The following DYNLT2 variants were observed in gnomAD, a reference collection of about 807,000 sequenced individuals.
The protein encoded by DYNLT2 is dynein light chain Tctex-type 2, also known as dynein light chain Tctex-type protein 2.
DYNLT2 carries 24 observed loss-of-function variants against 24.3 expected under a neutral mutation model. The ratio of observed to expected loss-of-function variants is 0.99; its 90% CI spans 0.71 to 1.39. DYNLT2 has a LOEUF of 1.39. DYNLT2 is among the 40% of genes most tolerant of loss of function. The pLI, the probability that DYNLT2 is intolerant of heterozygous loss-of-function variation, is 0.00. For synonymous variants in DYNLT2, 85 were observed against 85.4 expected (o/e 1.00, Z 0.03); for missense variants, 246 against 234.5 (o/e 1.05, Z -0.32).
chr6:169,750,277 C>A (rs2128337241), intron 1 of DYNLT2: 1 of 152,322 alleles, frequency 6.6e-6, no homozygotes, highest in South Asian at 2.1e-4. Context: ...TACTCAGACT[C>A]ATTGCCAAGA....
At chr6:169,744,858 A>C (rs1007446987) in intron 1 of DYNLT2, among the ~76,000 whole-genome samples, 2 of 152,174 alleles carry the variant, frequency 1.3e-5, no homozygotes, top group African/African-American at 4.8e-5. Flanking sequence ...TTAATGAAAT[A>C]TTTGCTTAGT....
intron 3 of DYNLT2, 117 bp from the exon 4 acceptor site, chr6:169,740,412 G>C: frequency 3.1e-6 from 2 of 651,870 alleles, no homozygotes; most frequent in Middle Eastern, 2.5e-4. Context: ...TTATTTTTAA[G>C]ATGTAATTTG....
Position 169,744,201 on chromosome 6 carries a change from T to C in DYNLT2, c.194A>G (p.Asp65Gly). 1 of 1,613,728 alleles carries C rather than the reference T, an allele frequency of 6.2e-7. No homozygotes were observed. Among genetic ancestry groups the C allele is most frequent in the Non-Finnish European group, 8.5e-7 (1 of 1,179,976 alleles). ...TTCTTTACCTATATCAGCAATTGAG[T>C]CATCAAAAGGAGGCTCCACATACTG... Reference protein sequence around the residue: ...NVQYVEPPFDDSIADIGKEWK... With the variant: ...NVQYVEPPFDGSIADIGKEWK... Residue 65 changes from aspartate to glycine, a missense_variant, in exon 2 of 4, where the codon GAC becomes GGC. Asp to Gly is a moderately conservative substitution (Grantham distance 94, BLOSUM62 -1). Coordinates refer to ENST00000366774, the MANE Select transcript of DYNLT2 (RefSeq NM_174910.3).
the DYNLT2 span, among the ~76,000 whole-genome samples, chr6:169,730,360 G>C: frequency 0.054 from 8,221 of 152,204 alleles, 328 homozygotes; most frequent in East Asian, 0.12. Flanking sequence ...ACAGGTAAAA[G>C]ATTATATATT....
intron 1 of DYNLT2, among the ~76,000 whole-genome samples, chr6:169,747,565 T>G (rs942880939): frequency 6.6e-6 from 1 of 152,120 alleles, no homozygotes; most frequent in African/African-American, 2.4e-5. Flanking sequence ...GTTAATACCA[T>G]TTAGTGTATT....
Sources: allele counts gnomAD v4.1 joint callset (sites outside exome capture counted in the v4.1 genomes callset), GRCh38; gene constraint gnomAD v4.1.1; transcripts MANE v1.5; gene names NCBI Gene and HGNC (gene_info 2026-07-23, HGNC 2026-07-21).